FNDC3B: variants seen among roughly 807,000 people sequenced by gnomAD.
The protein encoded by FNDC3B is fibronectin type III domain-containing protein 3B.
A neutral mutation model predicts 151.5 loss-of-function variants in FNDC3B; 12 were observed. The observed-to-expected ratio is 0.08, with a 90% CI of 0.05 to 0.13. FNDC3B has a LOEUF of 0.13. FNDC3B is among the 10% of genes least tolerant of loss of function. FNDC3B has a pLI of 1.00. For missense variants in FNDC3B, 1,214 were observed against 1,505.3 expected, an observed-to-expected ratio of 0.81 and a Z score of 3.20; for synonymous variants, 528 against 549.0, an observed-to-expected ratio of 0.96 and a Z score of 0.54.
chr3:172,120,955 A>G (rs1232979555), intron 2 of FNDC3B, among the ~76,000 whole-genome samples: 1 of 151,280 alleles, frequency 6.6e-6, no homozygotes, highest in Non-Finnish European at 1.5e-5. Context: ...CAAGAGCAAA[A>G]CTCTGTCTCA....
At chr3:172,176,107 A>G (rs1291318409) in intron 3 of FNDC3B, among the ~76,000 whole-genome samples, 1 of 152,222 alleles carries the variant, frequency 6.6e-6, no homozygotes, top group Non-Finnish European at 1.5e-5. Context: ...TGGGTTGAAA[A>G]GGCCTTTGAT....
rs528715025 is a variant in FNDC3B, at chr3:172,057,816, C to G, written c.-29+18045C>G. On this transcript the variant is annotated intron_variant, in intron 1 of 25. Transcript: ENST00000415807. ...TAATGACAATCCCATTATTTCCTTGCAGTAGGCAGGAAATGCTGTCTACAC... is the reference window on the plus strand; with the variant it reads ...TAATGACAATCCCATTATTTCCTTGGAGTAGGCAGGAAATGCTGTCTACAC... 2.0e-5 allele frequency among the ~76,000 whole-genome samples: 3 copies of G among 150,882 alleles called. No individual in the cohort carries two copies. In the East Asian group the frequency reaches 5.8e-4, roughly 29 times the overall value.
chr3:172,376,645 A>G (rs1735154393), intron 23 of FNDC3B, among the ~76,000 whole-genome samples: 1 of 152,198 alleles, frequency 6.6e-6, no homozygotes, highest in African/African-American at 2.4e-5. Context: ...ATAGGTTGCC[A>G]TGGTATTTGT....
At chr3:172,291,584 C>G (rs1730342887) in intron 7 of FNDC3B, among the ~76,000 whole-genome samples, 1 of 149,894 alleles carries the variant, frequency 6.7e-6, no homozygotes, top group African/African-American at 2.4e-5. Context: ...GTAACCTATA[C>G]AACAGACCCC....
intron 3 of FNDC3B, among the ~76,000 whole-genome samples, chr3:172,159,057 G>A (rs1722642253): frequency 6.6e-6 from 1 of 152,226 alleles, no homozygotes; most frequent in Non-Finnish European, 1.5e-5. Context: ...AAGGTGGGCA[G>A]ATCACAAGGT....
intron 9 of FNDC3B, among the ~76,000 whole-genome samples, chr3:172,306,034 T>C (rs574364886): frequency 6.6e-6 from 1 of 152,220 alleles, no homozygotes; most frequent in African/African-American, 2.4e-5. Context: ...AAATATGTAA[T>C]ATGTATGTAT....
intron 1 of FNDC3B, among the ~76,000 whole-genome samples, chr3:172,047,217 G>A (rs1716409839): frequency 6.6e-6 from 1 of 152,064 alleles, no homozygotes; most frequent in African/African-American, 2.4e-5. Context: ...AACAAAGGTG[G>A]GATGTTTTAG....
chr3:172,299,213 CT>C (rs1730781363), intron 9 of FNDC3B, among the ~76,000 whole-genome samples: 1 of 152,118 alleles, frequency 6.6e-6, no homozygotes, highest in South Asian at 2.1e-4. Flanking sequence ...ACCTTAAAAG[CT>C]GGTAGATTTT....
intron 3 of FNDC3B, among the ~76,000 whole-genome samples, chr3:172,194,948 G>A (rs1237820645): frequency 6.6e-6 from 1 of 152,160 alleles, no homozygotes; most frequent in Admixed American, 6.5e-5. Flanking sequence ...AGCACCGCTG[G>A]GAGGTTGTTA....
chr3:172,259,083 T>C (rs778530419), intron 6 of FNDC3B, among the ~76,000 whole-genome samples: 10 of 152,226 alleles, frequency 6.6e-5, no homozygotes, highest in Non-Finnish European at 1.5e-4. Context: ...ATGAATCCTG[T>C]GTTTTTTCAC....
At chr3:172,318,409 C>T (rs1369600024) in intron 11 of FNDC3B, among the ~76,000 whole-genome samples, 3 of 152,118 alleles carry the variant, frequency 2.0e-5, no homozygotes, top group Non-Finnish European at 4.4e-5. Flanking sequence ...TTGAGTTGGC[C>T]CCGTAGAAGA....
intron 1 of FNDC3B, among the ~76,000 whole-genome samples, chr3:172,098,247 C>T (rs1468744424): frequency 6.6e-6 from 1 of 152,058 alleles, no homozygotes; most frequent in Non-Finnish European, 1.5e-5. Flanking sequence ...AACCCTGAGG[C>T]TAGTAGTTTA....
At chr3:172,158,598 T>C (rs1253394070) in intron 3 of FNDC3B, among the ~76,000 whole-genome samples, 1 of 152,198 alleles carries the variant, frequency 6.6e-6, no homozygotes, top group Non-Finnish European at 1.5e-5. Context: ...TACTTTCTTG[T>C]CTTTCCCTCC....
chr3:172,045,919 A>G (rs1716347718), intron 1 of FNDC3B, among the ~76,000 whole-genome samples: 1 of 152,100 alleles, frequency 6.6e-6, no homozygotes, highest in African/African-American at 2.4e-5. Flanking sequence ...CACAGGCCCA[A>G]CTGGAAGGAT....
intron 21 of FNDC3B, among the ~76,000 whole-genome samples, chr3:172,351,285 T>C (rs565933): frequency 0.53 from 79,967 of 152,006 alleles, 21,496 homozygotes; most frequent in Non-Finnish European, 0.57. Flanking sequence ...GGTGATTGAG[T>C]GAGCTGTGCA....
intron 25 of FNDC3B, among the ~76,000 whole-genome samples, chr3:172,391,694 A>G (rs1399935718): frequency 1.3e-5 from 2 of 152,332 alleles, no homozygotes; most frequent in East Asian, 1.9e-4. Flanking sequence ...AAACATCCCA[A>G]CATTAACTTA....
At chr3:172,195,870 A>T (rs1414696424) in intron 3 of FNDC3B, among the ~76,000 whole-genome samples, 2 of 152,210 alleles carry the variant, frequency 1.3e-5, no homozygotes, top group African/African-American at 4.8e-5. Flanking sequence ...ACCTTAAATC[A>T]GTTACATAAT....
At chr3:172,357,734 C>T (rs1734163451) in intron 22 of FNDC3B, among the ~76,000 whole-genome samples, 1 of 152,036 alleles carries the variant, frequency 6.6e-6, no homozygotes, top group Non-Finnish European at 1.5e-5. Context: ...ATCAGTTCCT[C>T]AGTTTTTTTT....
At chr3:172,291,312 A>G (rs1730325880) in intron 7 of FNDC3B, among the ~76,000 whole-genome samples, 2 of 152,250 alleles carry the variant, frequency 1.3e-5, no homozygotes, top group Non-Finnish European at 2.9e-5. Context: ...ACAAGTAGGA[A>G]GTAATTTTAT....
Sources: allele counts gnomAD v4.1 joint callset (sites outside exome capture counted in the v4.1 genomes callset), GRCh38; gene constraint gnomAD v4.1.1; transcripts MANE v1.5; gene names NCBI Gene and HGNC (gene_info 2026-07-23, HGNC 2026-07-21).